Variants in PPARA observed in about 807,000 individuals in gnomAD.
The protein encoded by PPARA is peroxisome proliferator activated receptor alpha.
A neutral mutation model predicts 42.2 loss-of-function variants in PPARA; 22 were observed. That is an observed-to-expected ratio of 0.52 (90% CI 0.37 to 0.74). The LOEUF (loss-of-function observed/expected upper bound fraction) is 0.74. PPARA is among the 30% of genes least tolerant of loss of function. The pLI is 0.00. For synonymous variants in PPARA, 242 were observed against 239.3 expected, an observed-to-expected ratio of 1.01 and a Z score of -0.10; for missense variants, 465 against 608.2, an observed-to-expected ratio of 0.76 and a Z score of 2.48.
At position 46,196,011 on chromosome 22, in the gene PPARA, C is replaced by T. The variant is rs370886511; in HGVS notation, c.-42-2331C>T. On this transcript the variant is annotated intron_variant, in intron 3 of 8. Transcript: ENST00000407236. The surrounding 1 kb of genome is among the most constrained non-coding windows in gnomAD (Gnocchi z 5.6). The stretch of plus-strand genomic sequence containing the variant: ...GGTGGCACCTGGGCAAAGGTGCAGA[C>T]GTGGAATCCTGAAAGCAATTCTCAG... Among the ~76,000 whole-genome samples the T allele has an allele frequency of 2.6e-5, 4 of 152,012 alleles. No individual in the cohort carries two copies. Among genetic ancestry groups the T allele is most frequent in the Admixed American group, 6.6e-5 (1 of 15,258 alleles).
rs1408998549 is a variant in PPARA at position 46,237,113 on chromosome 22, C to T, written c.*1733C>T. 2 of 152,094 alleles carry T rather than the reference C, an allele frequency of 1.3e-5. No individual in the cohort carries two copies. The highest frequency in any genetic ancestry group is 4.8e-5 in the African/African-American group (2 of 41,410). The allele number at this position is 152,094 out of a possible 1,614,324, so 9.4% of individuals were successfully genotyped here. A position where few individuals can be genotyped will look rare whatever the true frequency, so the allele number is the denominator to read the frequency against. On this transcript the variant is annotated 3_prime_UTR_variant, in exon 9 of 9. Transcript: ENST00000407236. The surrounding 1 kb of genome is among the most constrained non-coding windows in gnomAD (Gnocchi z 6.7). ...GGAGGTATCGTCGATGCCTCTCCCCCATCTTTAGAAAATTTGGCTCTTCTG... is the reference window on the plus strand; with the variant it reads ...GGAGGTATCGTCGATGCCTCTCCCCTATCTTTAGAAAATTTGGCTCTTCTG...
Position 46,235,447 on chromosome 22 carries a change from G to A in PPARA, c.*67G>A. 6.3e-7 allele frequency: 1 copy of A among 1,583,602 alleles called. No individual in the cohort carries two copies. The highest frequency in any genetic ancestry group is 8.6e-7 in the Non-Finnish European group (1 of 1,165,550). ...CTGACAGCACTACAAAGGAGACGGG[G>A]GAGCAGCACGATTTTGCACAAATAT... On this transcript the variant is annotated 3_prime_UTR_variant, in exon 9 of 9. Transcript: ENST00000407236. The surrounding 1 kb of genome is among the most constrained non-coding windows in gnomAD (Gnocchi z 7.0).
At chr22:46,201,421 G>A (rs2147413846) in intron 4 of PPARA, among the ~76,000 whole-genome samples, 1 of 152,296 alleles carries the variant, frequency 6.6e-6, no homozygotes, top group South Asian at 2.1e-4. Context: ...GGCGCGTTAA[G>A]CAGAGGATAA....
rs78795586 is a variant in PPARA at position 46,182,657 on chromosome 22, G to A, written c.-43+5821G>A. Among the ~76,000 whole-genome samples the A allele has an allele frequency of 4.9e-3, 751 of 152,134 alleles. 7 individuals are homozygous for A. The highest frequency in any genetic ancestry group is 0.017 in the African/African-American group (719 of 41,496). ...AGTGGTTTCACAGGTTGATACATAC[G>A]GCAAAAAATACCAAATTTGTACACT... On this transcript the variant is annotated intron_variant, in intron 3 of 8. Transcript: ENST00000407236. This position sits in a 1 kb window ranked among gnomAD's most constrained non-coding sequence, Gnocchi z 5.2.
rs1383584177 is a variant in PPARA, at chr22:46,167,385, C to T, written c.-126-9368C>T. Among the ~76,000 whole-genome samples, 2 of 152,032 alleles carry T rather than the reference C, an allele frequency of 1.3e-5. No homozygotes were observed. Among genetic ancestry groups the T allele is most frequent in the African/African-American group, 2.4e-5 (1 of 41,384 alleles). ...AGTTAAAACCATCCAGGTACAGTGG[C>T]TCATGCCTGTCATCTTGCACTTTGA... is the stretch of plus-strand genomic sequence containing the variant. On this transcript the variant is annotated intron_variant, in intron 2 of 8. Coordinates refer to ENST00000407236, the MANE Select transcript of PPARA (RefSeq NM_005036.6). The surrounding 1 kb of genome is among the most constrained non-coding windows in gnomAD (Gnocchi z 4.1).
chr22:46,220,089 G>C (rs1392507469), intron 7 of PPARA, 75 bp downstream of exon 7: 1 of 1,497,558 alleles, frequency 6.7e-7, no homozygotes, highest in Non-Finnish European at 9.2e-7. Context: ...AAGGACACAT[G>C]TGTTGAATGT....
chr22:46,197,797 A>T (rs1932459523), intron 3 of PPARA, among the ~76,000 whole-genome samples: 1 of 152,108 alleles, frequency 6.6e-6, no homozygotes, highest in Admixed American at 6.5e-5. Flanking sequence ...CCAACCACTC[A>T]GAAGGCTGAG....
intron 5 of PPARA, among the ~76,000 whole-genome samples, chr22:46,217,002 A>G (rs957879982): frequency 6.6e-6 from 1 of 152,162 alleles, no homozygotes; most frequent in Non-Finnish European, 1.5e-5. Flanking sequence ...TTCTGGCACA[A>G]TGTACCATCT....
chr22:46,179,954 G>A (rs1929713173), intron 3 of PPARA, among the ~76,000 whole-genome samples: 1 of 152,188 alleles, frequency 6.6e-6, no homozygotes. Context: ...GTAAGCATGT[G>A]AAAAATTCTC....
intron 2 of PPARA, among the ~76,000 whole-genome samples, chr22:46,172,711 C>T (rs146553801): frequency 1.8e-3 from 278 of 152,308 alleles, no homozygotes; most frequent in Non-Finnish European, 2.7e-3. Context: ...GGTAAAAGAC[C>T]GAGGTCACAT....
Position 46,183,313 on chromosome 22 carries a change from A to G in PPARA, c.-43+6477A>G, listed in dbSNP as rs1569205159. Among the ~76,000 whole-genome samples, 1 of 152,256 alleles carries G rather than the reference A, an allele frequency of 6.6e-6. No individual in the cohort carries two copies. Reference sequence around the variant, plus strand: ...CTTCCAGTCTTTGTTTTAAAAACACATTAGAATAATACTACATTTTCCCTC... The same window carrying G: ...CTTCCAGTCTTTGTTTTAAAAACACGTTAGAATAATACTACATTTTCCCTC... On this transcript the variant is annotated intron_variant, in intron 3 of 8. Transcript: ENST00000407236. The surrounding 1 kb of genome is among the most constrained non-coding windows in gnomAD (Gnocchi z 5.5).
chr22:46,208,073 C>T (rs1601750763), intron 4 of PPARA, among the ~76,000 whole-genome samples: 2 of 151,970 alleles, frequency 1.3e-5, no homozygotes, highest in Non-Finnish European at 2.9e-5. Context: ...GTTATATGTC[C>T]TCTTTATCTG....
chr22:46,229,846 G>A (rs1291231660), intron 7 of PPARA, among the ~76,000 whole-genome samples: 2 of 152,164 alleles, frequency 1.3e-5, no homozygotes, highest in Admixed American at 1.3e-4. Flanking sequence ...CCAGCATTAT[G>A]TTGCAAGTCC....
At position 46,184,397 on chromosome 22, in the gene PPARA, C is replaced by CA. The variant is rs1437289678; in HGVS notation, c.-43+7562dup. On this transcript the variant is annotated intron_variant, in intron 3 of 8. Coordinates refer to ENST00000407236, the MANE Select transcript of PPARA (RefSeq NM_005036.6). This position sits in a 1 kb window ranked among gnomAD's most constrained non-coding sequence, Gnocchi z 4.4. ...GAGTCCAGAATCTCAGAGAGAGACACAGTTACCTTTTAGTTACACTAATGG... is the reference window on the plus strand; with the variant it reads ...GAGTCCAGAATCTCAGAGAGAGACACAAGTTACCTTTTAGTTACACTAATGG... Among the ~76,000 whole-genome samples the CA allele has an allele frequency of 6.6e-6, 1 of 152,166 alleles. No homozygotes were observed. Among genetic ancestry groups the CA allele is most frequent in the Non-Finnish European group, 1.5e-5 (1 of 68,032 alleles).
At chr22:46,215,990 G>T (rs1013768792) in intron 5 of PPARA, among the ~76,000 whole-genome samples, 1 of 152,116 alleles carries the variant, frequency 6.6e-6, no homozygotes, top group African/African-American at 2.4e-5. Context: ...CCGGTCCCTG[G>T]TGGCAAAAAG....
chr22:46,187,834 T>C lies in PPARA; in HGVS notation c.-42-10508T>C, dbSNP rs1014315248. On this transcript the variant is annotated intron_variant, in intron 3 of 8. Transcript: ENST00000407236. The surrounding 1 kb of genome is among the most constrained non-coding windows in gnomAD (Gnocchi z 4.9). The stretch of plus-strand genomic sequence containing the variant: ...TTCCCATCAAGAGGTAGAGTTTATT[T>C]CCCCACCTCTTGGATCTGGCTTGCC... Among the ~76,000 whole-genome samples the C allele has an allele frequency of 6.6e-6, 1 of 152,182 alleles. No individual in the cohort carries two copies. Among genetic ancestry groups the C allele is most frequent in the African/African-American group, 2.4e-5 (1 of 41,436 alleles).
At chr22:46,213,774 A>G (rs1172556592) in intron 4 of PPARA, among the ~76,000 whole-genome samples, 1 of 152,030 alleles carries the variant, frequency 6.6e-6, no homozygotes, top group African/African-American at 2.4e-5. Flanking sequence ...TGTTTTTAGT[A>G]GAGACGGAGT....
Position 46,176,785 on chromosome 22 carries a change from C to G in PPARA, c.-94C>G, listed in dbSNP as rs1026546256. On this transcript the variant is annotated 5_prime_UTR_variant, in exon 3 of 9. Coordinates refer to ENST00000407236, the MANE Select transcript of PPARA (RefSeq NM_005036.6). ...GGCTGGGAAGTTCAAGATCAAAGTG[C>G]CAGCAGATTCAGTGTCATGTGAGGA... The G allele has an allele frequency of 6.6e-6, 1 of 152,354 alleles. No homozygotes were observed. The highest frequency in any genetic ancestry group is 2.4e-5 in the African/African-American group (1 of 41,452). 9.4% of individuals were successfully genotyped at this position (152,354 alleles called of 1,614,324 possible). A position where few individuals can be genotyped will look rare whatever the true frequency, so the allele number is the denominator to read the frequency against.
At chr22:46,213,565 G>A (rs1934145589) in intron 4 of PPARA, among the ~76,000 whole-genome samples, 1 of 150,076 alleles carries the variant, frequency 6.7e-6, no homozygotes, top group African/African-American at 2.5e-5. Context: ...GCACCACCAT[G>A]GCAAGCTAAC....
Sources: allele counts gnomAD v4.1 joint callset (sites outside exome capture counted in the v4.1 genomes callset), GRCh38; gene constraint gnomAD v4.1.1; non-coding constraint Gnocchi (gnomAD v3.1); transcripts MANE v1.5; gene names NCBI Gene and HGNC (gene_info 2026-07-23, HGNC 2026-07-21).